HECTD2: variants seen among roughly 807,000 people sequenced by gnomAD.
HECTD2 encodes the protein HECT domain E3 ubiquitin protein ligase 2.
HECTD2 carries 35 observed loss-of-function variants against 103.2 expected under a neutral mutation model. The ratio of observed to expected loss-of-function variants is 0.34; its 90% CI spans 0.26 to 0.45. HECTD2 has a LOEUF of 0.45. Among genes scored for constraint, HECTD2 ranks in the 20% least tolerant of loss-of-function variants. The pLI is 1.00. For missense variants in HECTD2, 596 were observed against 937.4 expected, an observed-to-expected ratio of 0.64 and a Z score of 4.76; for synonymous variants, 281 against 329.9, an observed-to-expected ratio of 0.85 and a Z score of 1.61.
chr10:91,434,852 T>C (rs1844049351), intron 2 of HECTD2, among the ~76,000 whole-genome samples: 1 of 152,012 alleles, frequency 6.6e-6, no homozygotes, highest in Non-Finnish European at 1.5e-5. Flanking sequence ...TATTTTCTCA[T>C]CTGTAAAACT....
intron 5 of HECTD2, among the ~76,000 whole-genome samples, chr10:91,470,440 C>T (rs1845683663): frequency 6.6e-6 from 1 of 152,124 alleles, no homozygotes; most frequent in African/African-American, 2.4e-5. Flanking sequence ...AAACAGTCTG[C>T]TGCTGAATGA....
At chr10:91,437,739 A>G (rs1266857360) in intron 2 of HECTD2, among the ~76,000 whole-genome samples, 1 of 151,192 alleles carries the variant, frequency 6.6e-6, no homozygotes, top group African/African-American at 2.4e-5. Context: ...GATGACATAT[A>G]CATTGTAAGT....
chr10:91,445,847 T>G (rs1844586886), intron 2 of HECTD2, among the ~76,000 whole-genome samples: 1 of 152,090 alleles, frequency 6.6e-6, no homozygotes, highest in Non-Finnish European at 1.5e-5. Flanking sequence ...AACGGTGCAC[T>G]CCGGCCCAGA....
At chr10:91,457,351 TA>T (rs990342401) in intron 2 of HECTD2, among the ~76,000 whole-genome samples, 1 of 151,614 alleles carries the variant, frequency 6.6e-6, no homozygotes, top group Non-Finnish European at 1.5e-5. Flanking sequence ...AAAGATAGTT[TA>T]AAAAAAATAA....
At position 91,493,223 on chromosome 10, in the gene HECTD2, T is replaced by C. The variant is rs147783278; in HGVS notation, c.1433-197T>C. ...ATGTTCTCCATATATATTTAATATA[T>C]ATATTTATATTTGCTGAGATTTGCA... On this transcript the variant is annotated intron_variant, in intron 13 of 20. Transcript: ENST00000298068. 3.3e-3 allele frequency among the ~76,000 whole-genome samples: 496 copies of C among 151,516 alleles called. 3 individuals carry two copies. The highest frequency in any genetic ancestry group is 6.9e-3 in the Middle Eastern group (2 of 290).
chr10:91,500,745 G>T (rs529868894), intron 19 of HECTD2, 128 bp downstream of exon 19: 1 of 479,982 alleles, frequency 2.1e-6, no homozygotes, highest in Admixed American at 3.8e-5. Context: ...GAGTCCCACA[G>T]TCTTATTTTA....
chr10:91,451,446 C>T (rs111841889), intron 2 of HECTD2, among the ~76,000 whole-genome samples: 305 of 152,038 alleles, frequency 2.0e-3, no homozygotes, highest in African/African-American at 6.7e-3. Flanking sequence ...GTGCCGGAAA[C>T]CACCATGGCA....
At chr10:91,495,233 CA>C (rs1353966049) in intron 14 of HECTD2, among the ~76,000 whole-genome samples, 3 of 151,852 alleles carry the variant, frequency 2.0e-5, no homozygotes, top group Non-Finnish European at 4.4e-5. Context: ...TGAGAAAGAA[CA>C]GGTATGAACA....
chr10:91,503,883 C>G (rs1847023985), intron 20 of HECTD2, among the ~76,000 whole-genome samples: 1 of 152,240 alleles, frequency 6.6e-6, no homozygotes, highest in African/African-American at 2.4e-5. Context: ...CCCTGTCTGA[C>G]AGCTTTGAAG....
chr10:91,486,554 A>G (rs1186689838), intron 10 of HECTD2: 1 of 152,122 alleles, frequency 6.6e-6, no homozygotes, highest in Non-Finnish European at 1.5e-5. Flanking sequence ...CCTAGAGGGG[A>G]ACAGGAGCCC....
chr10:91,490,761 G>A (rs1846441324), intron 11 of HECTD2, among the ~76,000 whole-genome samples: 1 of 150,630 alleles, frequency 6.6e-6, no homozygotes, highest in Non-Finnish European at 1.5e-5. Context: ...CGTGGTGGTG[G>A]GCGCCTGTAG....
At chr10:91,437,905 T>C (rs1006461477) in intron 2 of HECTD2, among the ~76,000 whole-genome samples, 7 of 151,962 alleles carry the variant, frequency 4.6e-5, no homozygotes, top group African/African-American at 1.7e-4. Context: ...AAACTAGTGG[T>C]TTTAAACTTA....
intron 5 of HECTD2, among the ~76,000 whole-genome samples, chr10:91,465,561 T>A (rs1038475505): frequency 7.2e-6 from 1 of 138,996 alleles, no homozygotes; most frequent in Admixed American, 7.2e-5. Flanking sequence ...AGCTGTAGGG[T>A]TTTTTTTTTT....
intron 2 of HECTD2, among the ~76,000 whole-genome samples, chr10:91,438,157 C>T (rs1304118438): frequency 1.3e-5 from 2 of 151,708 alleles, no homozygotes; most frequent in African/African-American, 2.4e-5. Context: ...TAGGTATACA[C>T]GTGCAATGGT....
chr10:91,409,886 C>A (rs1182062584), upstream of HECTD2, among the ~76,000 whole-genome samples: 1 of 152,176 alleles, frequency 6.6e-6, no homozygotes, highest in East Asian at 1.9e-4. Context: ...CGGGACTCGG[C>A]GCCGCAGGCC....
intron 2 of HECTD2, among the ~76,000 whole-genome samples, chr10:91,447,691 T>G (rs1589491690): frequency 1.1e-4 from 5 of 46,216 alleles, no homozygotes; most frequent in East Asian, 5.4e-4. Context: ...CCCACACAAA[T>G]GGAAAGCAAA....
At position 91,483,117 on chromosome 10, in the gene HECTD2, A is replaced by G. The variant is rs1299317700; in HGVS notation, c.821+41A>G. 4 of 845,636 alleles carry G rather than the reference A, an allele frequency of 4.7e-6. No homozygotes were observed. In the East Asian group the frequency reaches 1.0e-4, roughly 22 times the overall value. The allele number at this position is 845,636 out of a possible 1,614,324, so 52.4% of individuals were successfully genotyped here. A position where few individuals can be genotyped will look rare whatever the true frequency, so the allele number is the denominator to read the frequency against. ...ATATTAAGAACTTTTATAGTCTCAC[A>G]GTTTTAAGTTTGGTATTAGTAATTT... On this transcript the variant is annotated intron_variant, in intron 8 of 20. Coordinates refer to ENST00000298068, the MANE Select transcript of HECTD2 (RefSeq NM_182765.6).
intron 5 of HECTD2, chr10:91,463,068 C>A (rs61579794): frequency 0.081 from 12,187 of 151,354 alleles, 935 homozygotes; most frequent in African/African-American, 0.2. Flanking sequence ...TTGAACAATG[C>A]GAGGGTTAGG....
chr10:91,499,234 G>T, intron 18 of HECTD2, 84 bp downstream of exon 18: 1 of 710,830 alleles, frequency 1.4e-6, no homozygotes, highest in Non-Finnish European at 2.3e-6. Context: ...TATTTTAGTA[G>T]ATAAGCTTTT....
Sources: gnomAD v4.1 joint callset for allele counts (sites outside exome capture counted in the v4.1 genomes callset) on GRCh38, gnomAD v4.1.1 for gene constraint, MANE v1.5 for transcripts, NCBI Gene and HGNC (gene_info 2026-07-23, HGNC 2026-07-21) for gene names.